The following LRRC37A2 variants were observed in gnomAD, a reference collection of about 807,000 sequenced individuals.
LRRC37A2 encodes leucine-rich repeat-containing protein 37A2.
LRRC37A2 carries 9 observed loss-of-function variants against 68.8 expected under a neutral mutation model. The observed-to-expected ratio is 0.13, with a 90% CI of 0.08 to 0.23. LRRC37A2 has a LOEUF of 0.23. LRRC37A2 is among the 10% of genes least tolerant of loss of function. LRRC37A2 has a pLI of 1.00. For missense variants in LRRC37A2, 168 were observed against 950.4 expected, an observed-to-expected ratio of 0.18 and a Z score of 10.82; for synonymous variants, 63 against 367.6, an observed-to-expected ratio of 0.17 and a Z score of 9.48.
At chr17:46,931,940 G>A in the LRRC37A2 span, 1 of 808,804 alleles carries the variant, frequency 1.2e-6, no homozygotes, top group Admixed American at 1.7e-5. Flanking sequence ...TGTGGTGAGG[G>A]GGTATAGTGT....
chr17:46,759,779 C>G, the LRRC37A2 span, among the ~76,000 whole-genome samples: 1 of 152,180 alleles, frequency 6.6e-6, no homozygotes, highest in Non-Finnish European at 1.5e-5. Context: ...ATCCCCTCAT[C>G]CTTGAACTGT....
chr17:46,787,766 C>T, the LRRC37A2 span, among the ~76,000 whole-genome samples: 5 of 152,146 alleles, frequency 3.3e-5, no homozygotes, highest in African/African-American at 1.2e-4. Flanking sequence ...CCAGCCTGGC[C>T]AACATGGCGA....
At chr17:47,038,486 G>A in the LRRC37A2 span, among the ~76,000 whole-genome samples, 17 of 151,562 alleles carry the variant, frequency 1.1e-4, 1 homozygote, top group South Asian at 3.2e-3. Flanking sequence ...GTGGTGGTGC[G>A]CACCTGTCGT....
chr17:46,890,823 G>A, the LRRC37A2 span, among the ~76,000 whole-genome samples: 3 of 152,214 alleles, frequency 2.0e-5, no homozygotes, highest in East Asian at 1.9e-4. Context: ...AGGCACGGGC[G>A]GGGGTTGGAT....
the LRRC37A2 span, among the ~76,000 whole-genome samples, chr17:46,625,689 T>TA: frequency 1.3e-5 from 1 of 74,844 alleles, no homozygotes; most frequent in African/African-American, 7.7e-5. Flanking sequence ...GCAAAAAAAA[T>TA]ACGTATAGAA....
chr17:46,862,570 G>GT, the LRRC37A2 span, among the ~76,000 whole-genome samples: 2 of 151,968 alleles, frequency 1.3e-5, no homozygotes, highest in Non-Finnish European at 2.9e-5. Context: ...TGCAAGCTGA[G>GT]TTTTTTTTGT....
At chr17:46,870,361 C>G in the LRRC37A2 span, among the ~76,000 whole-genome samples, 4 of 152,222 alleles carry the variant, frequency 2.6e-5, no homozygotes, top group African/African-American at 9.6e-5. Flanking sequence ...CAGTTCTTCT[C>G]TGGACCTGCC....
chr17:46,816,483 A>ATG, the LRRC37A2 span, among the ~76,000 whole-genome samples: 23 of 95,436 alleles, frequency 2.4e-4, no homozygotes, highest in Non-Finnish European at 5.0e-4. Context: ...ACGCACACAC[A>ATG]CACACACACA....
At chr17:46,930,900 T>G in the LRRC37A2 span, 16 of 594,808 alleles carry the variant, frequency 2.7e-5, no homozygotes, top group East Asian at 2.9e-4. Flanking sequence ...TTAACAGCTA[T>G]ATACATGTAC....
At chr17:46,820,170 CCCCT>C in the LRRC37A2 span, among the ~76,000 whole-genome samples, 1 of 152,228 alleles carries the variant, frequency 6.6e-6, no homozygotes, top group Non-Finnish European at 1.5e-5. Flanking sequence ...CAACCTGCTG[CCCCT>C]TCTGGTCGGC....
intron 6 of LRRC37A2, among the ~76,000 whole-genome samples, chr17:46,539,846 T>TA (rs200778174): frequency 0.018 from 2,601 of 143,942 alleles, 151 homozygotes; most frequent in African/African-American, 0.067. Flanking sequence ...ATGCTAGAAA[T>TA]ACTGTTTCCT....
At chr17:46,493,621 T>C in the LRRC37A2 span, among the ~76,000 whole-genome samples, 1 of 148,304 alleles carries the variant, frequency 6.7e-6, no homozygotes, top group African/African-American at 2.6e-5. Context: ...CACTGCAAGC[T>C]CCCCCTCCCG....
At chr17:46,544,568 G>A (rs2055988244) in intron 8 of LRRC37A2, among the ~76,000 whole-genome samples, 1 of 28,068 alleles carries the variant, frequency 3.6e-5, no homozygotes, top group Non-Finnish European at 5.6e-5. Context: ...TAATGACAAG[G>A]CCAAGGAACA....
chr17:46,922,848 G>A, the LRRC37A2 span: 6 of 382,020 alleles, frequency 1.6e-5, no homozygotes, highest in Non-Finnish European at 2.9e-5. Flanking sequence ...GCAGATGATA[G>A]CGGCTCGCCT....
At chr17:46,931,939 G>C in the LRRC37A2 span, 1 of 806,208 alleles carries the variant, frequency 1.2e-6, no homozygotes, top group African/African-American at 1.7e-5. Context: ...TTGTGGTGAG[G>C]GGGTATAGTG....
chr17:46,469,708 C>A, the LRRC37A2 span, among the ~76,000 whole-genome samples: 5 of 75,022 alleles, frequency 6.7e-5, 2 homozygotes, highest in African/African-American at 2.1e-4. Context: ...AACAAACAAA[C>A]AAAAAAAATT....
At chr17:47,048,135 A>G in the LRRC37A2 span, among the ~76,000 whole-genome samples, 1 of 148,870 alleles carries the variant, frequency 6.7e-6, no homozygotes, top group Non-Finnish European at 1.5e-5. Flanking sequence ...TTACAGATGA[A>G]GAAAAACAAG....
chr17:46,832,753 G>C, the LRRC37A2 span: 1 of 152,918 alleles, frequency 6.5e-6, no homozygotes, highest in East Asian at 1.9e-4. Context: ...CACTTTGGGG[G>C]TGAAACTCAC....
chr17:46,903,925 C>T, the LRRC37A2 span, among the ~76,000 whole-genome samples: 4 of 146,580 alleles, frequency 2.7e-5, no homozygotes, highest in Non-Finnish European at 1.5e-5. Flanking sequence ...AATGGGTGGT[C>T]GGGTAGATAG....
Sources: gnomAD v4.1 joint callset for allele counts (sites outside exome capture counted in the v4.1 genomes callset) on GRCh38, gnomAD v4.1.1 for gene constraint, MANE v1.5 for transcripts, NCBI Gene and HGNC (gene_info 2026-07-23, HGNC 2026-07-21) for gene names.